Variants in DPP8 observed in about 807,000 individuals in gnomAD.
DPP8 encodes DPP VIII.
DPP8 carries 31 observed loss-of-function variants against 107.5 expected under a neutral mutation model. The observed-to-expected ratio is 0.29, with a 90% CI of 0.22 to 0.39. The LOEUF is 0.39. Ranked by LOEUF, DPP8 falls within the 10% of genes least tolerant of loss-of-function variation. DPP8 has a pLI of 1.00. For synonymous variants in DPP8, 381 were observed against 356.6 expected (o/e 1.07, Z -0.77); for missense variants, 842 against 1,076.1 (o/e 0.78, Z 3.04).
At chr15:65,490,740 T>C (rs1391218384) in intron 5 of DPP8, among the ~76,000 whole-genome samples, 1 of 152,216 alleles carries the variant, frequency 6.6e-6, no homozygotes, top group Non-Finnish European at 1.5e-5. Context: ...GGTCATATAA[T>C]TCGACCATTC....
chr15:65,446,733 G>T lies in DPP8; in HGVS notation c.*151C>A. On this transcript the variant is annotated 3_prime_UTR_variant, in exon 20 of 20. Coordinates refer to ENST00000300141, the MANE Select transcript of DPP8 (RefSeq NM_130434.5). Reference sequence around the variant, plus strand: ...TATTAGATTACTACCACAAACCGTAGACCCCTGCATGGCACCACATTTATT... The same window carrying T: ...TATTAGATTACTACCACAAACCGTATACCCCTGCATGGCACCACATTTATT... 3.4e-6 allele frequency: 2 copies of T among 586,054 alleles called. No individual in the cohort carries two copies. The highest frequency in any genetic ancestry group is 5.2e-6 in the Non-Finnish European group (2 of 382,734). 36.3% of individuals were successfully genotyped at this position (586,054 alleles called of 1,614,324 possible).
At chr15:65,486,394 A>AAAAAAC (rs1018792783) in intron 7 of DPP8, among the ~76,000 whole-genome samples, 2 of 151,792 alleles carry the variant, frequency 1.3e-5, no homozygotes, top group African/African-American at 4.8e-5. Flanking sequence ...AGAGCAAAAA[A>AAAAAAC]AAAAACAAAA....
chr15:65,463,130 T>G (rs181161832), intron 15 of DPP8, among the ~76,000 whole-genome samples: 1 of 152,366 alleles, frequency 6.6e-6, no homozygotes, highest in East Asian at 1.9e-4. Flanking sequence ...CCAAGACATT[T>G]AATTATTTCA....
chr15:65,455,064 C>T (rs570973269), intron 16 of DPP8, among the ~76,000 whole-genome samples: 5 of 152,192 alleles, frequency 3.3e-5, no homozygotes, highest in Non-Finnish European at 7.3e-5. Context: ...TCAGCATCTT[C>T]CTTGTAACAA....
At chr15:65,467,907 T>C (rs2065501328) in intron 12 of DPP8, among the ~76,000 whole-genome samples, 1 of 152,174 alleles carries the variant, frequency 6.6e-6, no homozygotes, top group Non-Finnish European at 1.5e-5. Flanking sequence ...TGTATATTTA[T>C]TAGTTAGTGT....
chr15:65,469,045 G>A lies in DPP8; in HGVS notation c.1537-1822C>T, dbSNP rs538947497. 1.1e-4 allele frequency among the ~76,000 whole-genome samples: 16 copies of A among 151,936 alleles called. No homozygotes were observed. In the East Asian group the frequency reaches 3.1e-3, roughly 29 times the overall value. On this transcript the variant is annotated intron_variant, in intron 12 of 19. Transcript: ENST00000300141. ...GGCTGGAGTGCAGTGGCGCGATCTC[G>A]GCTCACTGCAACCTCCGTCTCCCAG... is the stretch of plus-strand genomic sequence containing the variant.
intron 17 of DPP8, among the ~76,000 whole-genome samples, chr15:65,453,001 T>C (rs1457094455): frequency 6.6e-6 from 1 of 152,024 alleles, no homozygotes; most frequent in East Asian, 1.9e-4. Flanking sequence ...TTTTAAAAAA[T>C]TACTTTTCAC....
At chr15:65,510,763 T>A (rs2141101598) in intron 2 of DPP8, among the ~76,000 whole-genome samples, 1 of 152,280 alleles carries the variant, frequency 6.6e-6, no homozygotes, top group South Asian at 2.1e-4. Flanking sequence ...GGTCTCAAAC[T>A]CCTGACCTCA....
intron 11 of DPP8, chr15:65,475,420 A>G (rs1359378361): frequency 9.5e-6 from 15 of 1,573,114 alleles, no homozygotes; most frequent in Non-Finnish European, 1.3e-5. Flanking sequence ...TGCCACTCAA[A>G]TATACCTTAT....
chr15:65,509,742 C>T (rs1462129782), intron 2 of DPP8, among the ~76,000 whole-genome samples: 6 of 152,172 alleles, frequency 3.9e-5, no homozygotes, highest in Non-Finnish European at 5.9e-5. Context: ...GATTTCTGGC[C>T]AGGTGTAGTG....
intron 17 of DPP8, among the ~76,000 whole-genome samples, 161 bp from the exon 18 acceptor site, chr15:65,452,263 G>A (rs934520509): frequency 5.9e-5 from 9 of 152,068 alleles, no homozygotes; most frequent in Non-Finnish European, 7.3e-5. Flanking sequence ...GAAGTGAAGC[G>A]CTAAGGTCAA....
chr15:65,444,466 T>C lies in DPP8; in HGVS notation c.*2418A>G, dbSNP rs1490866407. 2.0e-5 allele frequency: 3 copies of C among 152,248 alleles called. No individual in the cohort carries two copies. Among genetic ancestry groups the C allele is most frequent in the Non-Finnish European group, 4.4e-5 (3 of 68,052 alleles). 9.4% of individuals were successfully genotyped at this position (152,248 alleles called of 1,614,324 possible). A position where few individuals can be genotyped will look rare whatever the true frequency, so the allele number is the denominator to read the frequency against. Reference sequence around the variant, plus strand: ...TTCTTGCCGTTTAAGCTGTTACCCATACTCAGGGGGTACAAACTTTTAGTG... The same window carrying C: ...TTCTTGCCGTTTAAGCTGTTACCCACACTCAGGGGGTACAAACTTTTAGTG... On this transcript the variant is annotated 3_prime_UTR_variant, in exon 20 of 20. Transcript: ENST00000300141.
At chr15:65,452,503 A>C (rs2064061500) in intron 17 of DPP8, among the ~76,000 whole-genome samples, 1 of 152,164 alleles carries the variant, frequency 6.6e-6, no homozygotes, top group African/African-American at 2.4e-5. Flanking sequence ...CAATAAATGA[A>C]ATATACTAAA....
chr15:65,494,646 GAAAAA>G (rs5813355), intron 5 of DPP8, among the ~76,000 whole-genome samples: 1 of 114,352 alleles, frequency 8.7e-6, no homozygotes, highest in African/African-American at 3.4e-5. Context: ...CAAAAAAATT[GAAAAA>G]AAAAAAAAAA....
intron 2 of DPP8, among the ~76,000 whole-genome samples, chr15:65,507,818 C>T (rs958177257): frequency 7.2e-5 from 11 of 152,060 alleles, no homozygotes; most frequent in African/African-American, 2.4e-4. Context: ...ATTGTGAGTC[C>T]TTTACAAGTT....
chr15:65,491,279 A>G (rs1389010543), intron 5 of DPP8, among the ~76,000 whole-genome samples: 1 of 152,144 alleles, frequency 6.6e-6, no homozygotes, highest in Non-Finnish European at 1.5e-5. Context: ...ATAAAAATGC[A>G]TTTTTAAAAA....
intron 5 of DPP8, 48 bp downstream of exon 5, chr15:65,497,816 T>C: frequency 7.4e-7 from 1 of 1,351,034 alleles, no homozygotes; most frequent in Non-Finnish European, 9.8e-7. Flanking sequence ...CAAATTATAC[T>C]TCAAAAAATA....
intron 18 of DPP8, among the ~76,000 whole-genome samples, chr15:65,451,375 T>C (rs894363629): frequency 6.6e-6 from 1 of 152,198 alleles, no homozygotes; most frequent in Non-Finnish European, 1.5e-5. Flanking sequence ...AGAAGAACTA[T>C]TTGTAAAATA....
chr15:65,472,995 GC>G (rs1449247462), intron 12 of DPP8, among the ~76,000 whole-genome samples: 2 of 152,046 alleles, frequency 1.3e-5, no homozygotes, highest in African/African-American at 4.8e-5. Context: ...CCAAGATTGT[GC>G]CACTGCAATC....
Sources: allele counts gnomAD v4.1 joint callset (sites outside exome capture counted in the v4.1 genomes callset), GRCh38; gene constraint gnomAD v4.1.1; transcripts MANE v1.5; gene names NCBI Gene and HGNC (gene_info 2026-07-23, HGNC 2026-07-21).